ADGRV1: variants seen among roughly 807,000 people sequenced by gnomAD.
The protein encoded by ADGRV1 is adhesion G protein-coupled receptor V1.
Under a neutral mutation model 596.2 loss-of-function variants are expected in ADGRV1, and 359 were observed. The ratio of observed to expected loss-of-function variants is 0.60; its 90% confidence interval spans 0.55 to 0.66. The LOEUF is 0.66. Among genes scored for constraint, ADGRV1 ranks in the 30% least tolerant of loss-of-function variants. The pLI is 0.00. For synonymous variants in ADGRV1, 2,681 were observed against 2,679.2 expected, an observed-to-expected ratio of 1.00 and a Z score of -0.02; for missense variants, 7,274 against 7,575.6, an observed-to-expected ratio of 0.96 and a Z score of 1.48.
intron 1 of ADGRV1, 179 bp from the exon 2 acceptor site, chr5:90,614,656 G>A (rs1399318472): frequency 7.5e-6 from 5 of 664,504 alleles, no homozygotes; most frequent in Non-Finnish European, 1.1e-5. Flanking sequence ...GAATAGAATC[G>A]TGTTTTTTTA....
At chr5:90,910,244 A>G (rs1437691569) in intron 83 of ADGRV1, among the ~76,000 whole-genome samples, 1 of 152,248 alleles carries the variant, frequency 6.6e-6, no homozygotes, top group Non-Finnish European at 1.5e-5. Context: ...TGTGCTCCTA[A>G]TACTAGCTTT....
chr5:90,812,856 G>C (rs1163323034), intron 74 of ADGRV1, among the ~76,000 whole-genome samples: 1 of 151,746 alleles, frequency 6.6e-6, no homozygotes, highest in East Asian at 1.9e-4. Context: ...TGGTAGCTGG[G>C]CACGGTGGCT....
chr5:90,647,474 GTTCT>G lies in ADGRV1; in HGVS notation c.3023-17_3023-14del, dbSNP rs1208674257. ...GTGATGGAATCAGAAAAGCTCATGTGTTCTTTCTTTGTGGATATTTCAGAACCTC... is the reference window on the plus strand; with the variant it reads ...GTGATGGAATCAGAAAAGCTCATGTGTTCTTTGTGGATATTTCAGAACCTC... On this transcript the variant is annotated intron_variant, in intron 16 of 89. Coordinates refer to ENST00000405460, the MANE Select transcript of ADGRV1 (RefSeq NM_032119.4). 2.5e-6 allele frequency: 4 copies of G among 1,588,782 alleles called. No homozygotes were observed. Among genetic ancestry groups the G allele is most frequent in the Non-Finnish European group, 3.4e-6 (4 of 1,168,352 alleles).
chr5:90,841,011 T>C (rs1176910641), intron 78 of ADGRV1, 26 bp downstream of exon 78: 1 of 1,406,108 alleles, frequency 7.1e-7, no homozygotes, highest in Non-Finnish European at 9.3e-7. Context: ...TATTAGTAAT[T>C]TGTTTAGTGA....
chr5:91,141,673 A>G (rs949391594), intron 87 of ADGRV1, among the ~76,000 whole-genome samples: 1 of 152,186 alleles, frequency 6.6e-6, no homozygotes, highest in Admixed American at 6.5e-5. Flanking sequence ...AATACTGTAT[A>G]TATTTGTTTT....
intron 86 of ADGRV1, among the ~76,000 whole-genome samples, chr5:91,093,626 CAA>C (rs1790570241): frequency 6.6e-6 from 1 of 152,106 alleles, no homozygotes; most frequent in African/African-American, 2.4e-5. Flanking sequence ...CAAGTAATGA[CAA>C]AGAGATACAG....
chr5:91,066,450 C>T (rs544879077), intron 85 of ADGRV1, among the ~76,000 whole-genome samples: 2 of 152,164 alleles, frequency 1.3e-5, no homozygotes, highest in South Asian at 2.1e-4. Flanking sequence ...TTATCTTGAA[C>T]ATTTTTAAGT....
chr5:90,858,641 C>G (rs1272536387), intron 82 of ADGRV1, among the ~76,000 whole-genome samples: 1 of 152,104 alleles, frequency 6.6e-6, no homozygotes, highest in East Asian at 1.9e-4. Flanking sequence ...AACCACCATG[C>G]CTGGCCAATA....
chr5:90,714,984 AAACT>A (rs1363071353), intron 42 of ADGRV1, among the ~76,000 whole-genome samples: 2 of 152,232 alleles, frequency 1.3e-5, no homozygotes. Context: ...TAAAACAAAC[AAACT>A]ATTTTGATTG....
chr5:90,666,978 C>T (rs1404478058), intron 21 of ADGRV1, among the ~76,000 whole-genome samples: 1 of 152,070 alleles, frequency 6.6e-6, no homozygotes, highest in Non-Finnish European at 1.5e-5. Flanking sequence ...GCCAAGAGAT[C>T]CGTTGTTAGT....
intron 52 of ADGRV1, 86 bp from the exon 53 acceptor site, chr5:90,750,465 C>T (rs982241879): frequency 6.7e-6 from 8 of 1,194,280 alleles, no homozygotes; most frequent in Middle Eastern, 2.1e-4. Context: ...ACAAAGTTTG[C>T]AAATCCATAA....
At chr5:91,080,588 C>CAAAA (rs10696264) in intron 86 of ADGRV1, among the ~76,000 whole-genome samples, 846 of 84,252 alleles carry the variant, frequency 0.01, 21 homozygotes, top group African/African-American at 0.039. Context: ...GCACACCCTG[C>CAAAA]AAAAAAAAAA....
chr5:91,041,820 T>C (rs181566753), intron 85 of ADGRV1, among the ~76,000 whole-genome samples: 1 of 152,254 alleles, frequency 6.6e-6, no homozygotes, highest in East Asian at 1.9e-4. Context: ...CTTCATATCA[T>C]CTTGAGACTC....
intron 74 of ADGRV1, among the ~76,000 whole-genome samples, chr5:90,815,139 G>A (rs536004391): frequency 2.0e-5 from 3 of 152,150 alleles, no homozygotes; most frequent in Admixed American, 2.0e-4. Context: ...TTAATCAAAC[G>A]TCTTATGTGA....
At chr5:90,895,672 A>G (rs914170291) in intron 83 of ADGRV1, among the ~76,000 whole-genome samples, 3 of 152,174 alleles carry the variant, frequency 2.0e-5, no homozygotes, top group Non-Finnish European at 2.9e-5. Flanking sequence ...AAATTTCAAG[A>G]TAGAACACTG....
chr5:90,653,904 G>A lies in ADGRV1; in HGVS notation c.4330G>A (p.Ala1444Thr), dbSNP rs867288565. ...AATCGAATTCTACCTGGATGGAAAT[G>A]CAATGCCCAGGGGAATCAAGAGTCT... The part of the protein sequence containing the change: ...GIIEFYLDGN[A>T]MPRGIKSLKG... Residue 1444 changes from alanine to threonine, a missense_variant, in exon 20 of 90, where the codon GCA (alanine) becomes ACA (threonine). Around this residue, in one of 5 missense-constraint regions of ADGRV1, gnomAD observed 38 missense variants for 66.7 expected, o/e 0.57. Coordinates refer to ENST00000405460, the MANE Select transcript of ADGRV1 (RefSeq NM_032119.4). The A allele has an allele frequency of 1.3e-6, 2 of 1,575,162 alleles. No individual in the cohort carries two copies. Among genetic ancestry groups the A allele is most frequent in the Non-Finnish European group, 1.7e-6 (2 of 1,159,226 alleles).
intron 5 of ADGRV1, among the ~76,000 whole-genome samples, chr5:90,623,217 C>T (rs1176737570): frequency 1.3e-5 from 2 of 152,032 alleles, no homozygotes; most frequent in African/African-American, 4.8e-5. Context: ...CTTGTGTATA[C>T]AATGCTTACA....
intron 45 of ADGRV1, among the ~76,000 whole-genome samples, chr5:90,724,236 T>C (rs1033314617): frequency 6.6e-6 from 1 of 152,206 alleles, no homozygotes; most frequent in African/African-American, 2.4e-5. Flanking sequence ...AGTATTTATT[T>C]AGTTAGTTTT....
intron 85 of ADGRV1, among the ~76,000 whole-genome samples, chr5:91,008,231 G>A (rs1357631916): frequency 6.6e-6 from 1 of 152,016 alleles, no homozygotes; most frequent in Non-Finnish European, 1.5e-5. Context: ...GCTGACTTCC[G>A]TGGTCAGGAG....
Sources: allele counts gnomAD v4.1 joint callset (sites outside exome capture counted in the v4.1 genomes callset), GRCh38; gene constraint gnomAD v4.1.1; regional missense constraint gnomAD v4.1.1; transcripts MANE v1.5; gene names NCBI Gene and HGNC (gene_info 2026-07-23, HGNC 2026-07-21).